The following KHDRBS2 variants were observed in gnomAD, a reference collection of about 807,000 sequenced individuals.
KHDRBS2 encodes the protein KH domain-containing, RNA-binding, signal transduction-associated protein 2.
A neutral mutation model predicts 44.3 loss-of-function variants in KHDRBS2; 26 were observed. The ratio of observed to expected loss-of-function variants is 0.59; its 90% CI spans 0.43 to 0.81. The LOEUF (loss-of-function observed/expected upper bound fraction) is 0.81. Ranked by LOEUF, KHDRBS2 falls within the 40% of genes least tolerant of loss-of-function variation. The pLI is 0.00. For synonymous variants in KHDRBS2, 194 were observed against 151.1 expected (o/e 1.28, Z -2.08); for missense variants, 476 against 433.1 (o/e 1.10, Z -0.88).
intron 4 of KHDRBS2, among the ~76,000 whole-genome samples, chr6:61,976,939 T>A (rs529063332): frequency 3.9e-5 from 6 of 152,276 alleles, no homozygotes; most frequent in African/African-American, 1.2e-4. Context: ...GATAATAAAT[T>A]GTGCAGAAAT....
chr6:62,254,784 G>A (rs560926933), intron 1 of KHDRBS2, among the ~76,000 whole-genome samples: 5 of 152,126 alleles, frequency 3.3e-5, no homozygotes, highest in African/African-American at 1.2e-4. Flanking sequence ...TTCGAGCTTG[G>A]AGAAGACTGG....
the KHDRBS2 span, among the ~76,000 whole-genome samples, chr6:61,673,067 C>G: frequency 6.6e-6 from 1 of 151,698 alleles, no homozygotes; most frequent in Non-Finnish European, 1.5e-5. Context: ...CTACATATGG[C>G]TAGCCAGTTT....
At chr6:61,890,369 C>A (rs1801633719) in intron 6 of KHDRBS2, among the ~76,000 whole-genome samples, 1 of 152,172 alleles carries the variant, frequency 6.6e-6, no homozygotes, top group Admixed American at 6.5e-5. Flanking sequence ...ACCCTTTTCA[C>A]CCACATTTCC....
intron 7 of KHDRBS2, among the ~76,000 whole-genome samples, chr6:61,727,357 G>T (rs890998268): frequency 2.6e-5 from 4 of 152,116 alleles, no homozygotes; most frequent in Non-Finnish European, 4.4e-5. Flanking sequence ...TACTATTCAG[G>T]ACATAGACAC....
intron 2 of KHDRBS2, among the ~76,000 whole-genome samples, chr6:62,072,342 C>G (rs1284344875): frequency 6.6e-6 from 1 of 152,158 alleles, no homozygotes; most frequent in Non-Finnish European, 1.5e-5. Context: ...ATTTCCTTCT[C>G]CTGCCTGATT....
chr6:62,131,037 T>C (rs1220671243), intron 2 of KHDRBS2, among the ~76,000 whole-genome samples: 1 of 152,096 alleles, frequency 6.6e-6, no homozygotes, highest in Non-Finnish European at 1.5e-5. Flanking sequence ...TTATTAACAT[T>C]ATTATTTTAA....
At chr6:62,061,170 T>G in intron 2 of KHDRBS2, among the ~76,000 whole-genome samples, 1 of 151,892 alleles carries the variant, frequency 6.6e-6, no homozygotes, top group Non-Finnish European at 1.5e-5. Context: ...TTAGTCCATT[T>G]ACATTTAGAG....
At chr6:61,918,052 AATG>A (rs1393946338) in intron 4 of KHDRBS2, among the ~76,000 whole-genome samples, 1 of 151,934 alleles carries the variant, frequency 6.6e-6, no homozygotes, top group Non-Finnish European at 1.5e-5. Context: ...CGCATCGGCG[AATG>A]ATGAAGTATT....
rs142157280 is a variant in KHDRBS2, at chr6:61,805,815, G to A, written c.811-73051C>T. 2.8e-3 allele frequency among the ~76,000 whole-genome samples: 431 copies of A among 152,248 alleles called. 3 individuals carry two copies. The highest frequency in any genetic ancestry group is 1.0e-2 in the African/African-American group (415 of 41,566). On this transcript the variant is annotated intron_variant, in intron 6 of 8. Transcript: ENST00000281156. ...CTAATCACCTCCTATGAGGTCCCTC[G>A]CCCAAAATGCGGGGATTACAACTCA... is the stretch of plus-strand genomic sequence containing the variant.
intron 3 of KHDRBS2, among the ~76,000 whole-genome samples, chr6:62,015,899 G>T (rs2127274644): frequency 6.6e-6 from 1 of 152,212 alleles, no homozygotes; most frequent in Admixed American, 6.5e-5. Context: ...TTTCCTTCCT[G>T]CTCTGATAAT....
intron 1 of KHDRBS2, among the ~76,000 whole-genome samples, chr6:62,285,558 C>T (rs1842369220): frequency 2.0e-5 from 3 of 152,198 alleles, no homozygotes; most frequent in South Asian, 2.1e-4. Flanking sequence ...GAAAATGTCC[C>T]TGTAGACCGC....
chr6:61,566,315 G>C, the KHDRBS2 span, among the ~76,000 whole-genome samples: 1 of 152,152 alleles, frequency 6.6e-6, no homozygotes, highest in Non-Finnish European at 1.5e-5. Context: ...GTGAGAACTA[G>C]TGTTCTGTAG....
At chr6:61,553,829 G>T in the KHDRBS2 span, among the ~76,000 whole-genome samples, 1 of 152,094 alleles carries the variant, frequency 6.6e-6, no homozygotes, top group African/African-American at 2.4e-5. Flanking sequence ...TCTTAGTACT[G>T]ATTCCTATTT....
intron 2 of KHDRBS2, among the ~76,000 whole-genome samples, chr6:62,160,358 A>T (rs949223361): frequency 6.6e-6 from 1 of 152,180 alleles, no homozygotes; most frequent in Non-Finnish European, 1.5e-5. Flanking sequence ...GACCTTGTTA[A>T]GAAAGTGTTA....
intron 6 of KHDRBS2, among the ~76,000 whole-genome samples, chr6:61,805,442 C>A (rs558353608): frequency 5.1e-4 from 78 of 152,328 alleles, no homozygotes; most frequent in African/African-American, 1.8e-3. Flanking sequence ...ATGGTTCCAA[C>A]CTCTGCCTGT....
chr6:61,764,847 A>G (rs548153016), intron 6 of KHDRBS2, among the ~76,000 whole-genome samples: 64 of 152,108 alleles, frequency 4.2e-4, no homozygotes, highest in African/African-American at 1.5e-3. Flanking sequence ...CACTCTGATG[A>G]TAGTTTCTTT....
intron 6 of KHDRBS2, among the ~76,000 whole-genome samples, chr6:61,740,261 T>C (rs1342389754): frequency 2.0e-5 from 3 of 151,886 alleles, no homozygotes; most frequent in South Asian, 2.1e-4. Flanking sequence ...CATTTCCAGG[T>C]GCACCAAGTG....
intron 2 of KHDRBS2, among the ~76,000 whole-genome samples, chr6:62,121,553 AT>A (rs141800196): frequency 6.6e-6 from 1 of 152,342 alleles, no homozygotes; most frequent in African/African-American, 2.4e-5. Context: ...GATTTGGCAA[AT>A]GCTTTTTTCT....
chr6:61,777,153 G>A (rs1782191841), intron 6 of KHDRBS2, among the ~76,000 whole-genome samples: 1 of 152,010 alleles, frequency 6.6e-6, no homozygotes, highest in Admixed American at 6.6e-5. Flanking sequence ...TGGGGGAAGG[G>A]GGGACGGGTA....
Sources: gnomAD v4.1 joint callset for allele counts (sites outside exome capture counted in the v4.1 genomes callset) on GRCh38, gnomAD v4.1.1 for gene constraint, MANE v1.5 for transcripts, NCBI Gene and HGNC (gene_info 2026-07-23, HGNC 2026-07-21) for gene names.